Variants in LRMDA observed in about 807,000 individuals in gnomAD.
The protein encoded by LRMDA is leucine-rich melanocyte differentiation-associated protein.
Under a neutral mutation model 29.8 loss-of-function variants are expected in LRMDA, and 18 were observed. The ratio of observed to expected loss-of-function variants is 0.60; its 90% CI spans 0.42 to 0.90. The LOEUF (loss-of-function observed/expected upper bound fraction) is 0.90, where lower values mean the gene tolerates loss of function less well. Among genes scored for constraint, LRMDA ranks in the 40% least tolerant of loss-of-function variants. The pLI, the probability that LRMDA is intolerant of heterozygous loss-of-function variation, is 0.00. For synonymous variants in LRMDA, 125 were observed against 109.4 expected (o/e 1.14, Z -0.89); for missense variants, 273 against 273.9 (o/e 1.00, Z 0.02).
At chr10:76,390,068 T>A (rs1841704893) in intron 6 of LRMDA, among the ~76,000 whole-genome samples, 4 of 152,244 alleles carry the variant, frequency 2.6e-5, no homozygotes, top group Non-Finnish European at 1.5e-5. Context: ...GTTACCATAC[T>A]GTTTTCCATA....
chr10:75,810,599 G>T (rs763668781), intron 2 of LRMDA, among the ~76,000 whole-genome samples: 7 of 152,230 alleles, frequency 4.6e-5, no homozygotes, highest in Non-Finnish European at 8.8e-5. Flanking sequence ...CACACAACTT[G>T]TTCTGATAGA....
At chr10:76,092,322 A>G (rs910297299) in intron 5 of LRMDA, among the ~76,000 whole-genome samples, 7 of 152,232 alleles carry the variant, frequency 4.6e-5, no homozygotes, top group Non-Finnish European at 1.0e-4. Flanking sequence ...TGCTTAGCAC[A>G]GCTTTCCGGT....
At chr10:75,711,931 C>A (rs894143733) in intron 2 of LRMDA, among the ~76,000 whole-genome samples, 1 of 152,026 alleles carries the variant, frequency 6.6e-6, no homozygotes, top group Non-Finnish European at 1.5e-5. Flanking sequence ...CACACACACA[C>A]ACACACACAC....
At chr10:76,011,436 C>G (rs7475916) in intron 2 of LRMDA, among the ~76,000 whole-genome samples, 93,435 of 151,928 alleles carry the variant, frequency 0.61, 28,880 homozygotes, top group South Asian at 0.67. Context: ...CCTCTGGATG[C>G]TCTACGGGGC....
intron 2 of LRMDA, among the ~76,000 whole-genome samples, chr10:75,495,131 G>T (rs1283173074): frequency 1.3e-5 from 2 of 152,288 alleles, no homozygotes; most frequent in East Asian, 1.9e-4. Context: ...AAAATTTGAG[G>T]TTCTTTTCCT....
chr10:75,667,897 GA>G (rs1176689441), intron 2 of LRMDA, among the ~76,000 whole-genome samples: 2 of 152,178 alleles, frequency 1.3e-5, no homozygotes, highest in African/African-American at 4.8e-5. Flanking sequence ...GCCTGGATTA[GA>G]AGCTTTTGAA....
At chr10:75,661,383 C>T (rs567012596) in intron 2 of LRMDA, among the ~76,000 whole-genome samples, 2 of 152,308 alleles carry the variant, frequency 1.3e-5, no homozygotes, top group East Asian at 1.9e-4. Flanking sequence ...TTGCCATGCA[C>T]GTTTATCTGG....
intron 2 of LRMDA, among the ~76,000 whole-genome samples, chr10:75,681,907 C>T (rs534055757): frequency 8.7e-4 from 133 of 152,196 alleles, no homozygotes; most frequent in African/African-American, 2.8e-3. Flanking sequence ...TGAATTTTTC[C>T]CAGGATTAAA....
chr10:75,468,218 G>A (rs1302473743), intron 2 of LRMDA, among the ~76,000 whole-genome samples: 2 of 152,060 alleles, frequency 1.3e-5, no homozygotes, highest in Non-Finnish European at 1.5e-5. Context: ...AATGGTTGTC[G>A]GTTTCCCCCA....
In LRMDA at chr10:75,839,700, CTTTTTTTTTTT is replaced by C. The variant is rs1160178913; in HGVS notation, c.132-196292_132-196282del. 1.2e-4 allele frequency among the ~76,000 whole-genome samples: 10 copies of C among 82,796 alleles called. No individual in the cohort carries two copies. The East Asian group carries it at 4.5e-3, about 37-fold the overall frequency. The allele number at this position is 82,796 out of a possible 152,430, so 54.3% of individuals were successfully genotyped here. The stretch of plus-strand genomic sequence containing the variant: ...TACTCCTTAGGATGCATCCGACTTT[CTTTTTTTTTTT>C]TTTTTTTTTTTTTTTGAGACAGAGT... On this transcript the variant is annotated intron_variant, in intron 2 of 6. Coordinates refer to ENST00000611255, the MANE Select transcript of LRMDA (RefSeq NM_001305581.2).
chr10:76,183,375 C>T (rs528195700), intron 5 of LRMDA, among the ~76,000 whole-genome samples: 12 of 152,196 alleles, frequency 7.9e-5, no homozygotes, highest in East Asian at 1.9e-4. Context: ...GCAGTTTATC[C>T]GAAGTGGAAG....
At chr10:75,671,634 C>T (rs896466645) in intron 2 of LRMDA, among the ~76,000 whole-genome samples, 17 of 152,004 alleles carry the variant, frequency 1.1e-4, no homozygotes, top group African/African-American at 3.4e-4. Flanking sequence ...CAGGGCCTGT[C>T]GTGGGGTGGG....
chr10:76,280,231 A>G (rs1840185732), intron 5 of LRMDA, among the ~76,000 whole-genome samples: 1 of 152,202 alleles, frequency 6.6e-6, no homozygotes, highest in Non-Finnish European at 1.5e-5. Context: ...TAGACTTTAT[A>G]GGAGTAACCT....
intron 2 of LRMDA, among the ~76,000 whole-genome samples, chr10:75,518,310 T>C (rs555273930): frequency 6.6e-6 from 1 of 152,294 alleles, no homozygotes; most frequent in East Asian, 1.9e-4. Context: ...TGGTAGAATT[T>C]GGCTGTGAAT....
At position 75,489,936 on chromosome 10, in the gene LRMDA, T is replaced by C. The variant is rs567049382; in HGVS notation, c.131+51442T>C. Among the ~76,000 whole-genome samples, 5 of 152,342 alleles carry C rather than the reference T, an allele frequency of 3.3e-5. No individual in the cohort carries two copies. In the East Asian group the frequency reaches 9.6e-4, roughly 29 times the overall value. The stretch of plus-strand genomic sequence containing the variant: ...TCAGGTACTGGCGCTCAATAGTTCA[T>C]ATGTGTTCTCATTTAACTCTTAGAA... On this transcript the variant is annotated intron_variant, in intron 2 of 6. Transcript: ENST00000611255.
At chr10:75,671,752 G>A (rs574146984) in intron 2 of LRMDA, among the ~76,000 whole-genome samples, 1 of 152,016 alleles carries the variant, frequency 6.6e-6, no homozygotes, top group African/African-American at 2.4e-5. Context: ...AAACCTGCAC[G>A]TTCTGCATAT....
At chr10:75,581,071 G>C (rs1457130852) in intron 2 of LRMDA, among the ~76,000 whole-genome samples, 1 of 152,112 alleles carries the variant, frequency 6.6e-6, no homozygotes, top group African/African-American at 2.4e-5. Flanking sequence ...AGACAAATGG[G>C]ATCTAATTAA....
intron 2 of LRMDA, among the ~76,000 whole-genome samples, chr10:76,025,125 T>C (rs1395200615): frequency 6.6e-6 from 1 of 151,732 alleles, no homozygotes; most frequent in Non-Finnish European, 1.5e-5. Context: ...TTTTGTAAAA[T>C]CTCAAGCCGT....
At chr10:75,583,274 A>G (rs992135565) in intron 2 of LRMDA, among the ~76,000 whole-genome samples, 13 of 152,140 alleles carry the variant, frequency 8.5e-5, no homozygotes, top group Admixed American at 5.2e-4. Flanking sequence ...GAAATACCTG[A>G]GACTGGGTAA....
Sources: gnomAD v4.1 joint callset for allele counts (sites outside exome capture counted in the v4.1 genomes callset) on GRCh38, gnomAD v4.1.1 for gene constraint, MANE v1.5 for transcripts, NCBI Gene and HGNC (gene_info 2026-07-23, HGNC 2026-07-21) for gene names.